DIAPH3: variants seen among roughly 807,000 people sequenced by gnomAD.
DIAPH3 encodes protein diaphanous homolog 3.
Under a neutral mutation model 144.3 loss-of-function variants are expected in DIAPH3, and 117 were observed. The ratio of observed to expected loss-of-function variants is 0.81; its 90% CI spans 0.70 to 0.95. DIAPH3 has a LOEUF of 0.95. Among genes scored for constraint, DIAPH3 ranks in the 40% least tolerant of loss-of-function variants. The pLI is 0.00. For synonymous variants in DIAPH3, 519 were observed against 488.9 expected (o/e 1.06, Z -0.81); for missense variants, 1,421 against 1,412.7 (o/e 1.01, Z -0.09).
intron 27 of DIAPH3, among the ~76,000 whole-genome samples, chr13:59,768,434 G>T (rs2037961106): frequency 6.6e-6 from 1 of 152,220 alleles, no homozygotes; most frequent in African/African-American, 2.4e-5. Context: ...TGTCTTCATT[G>T]TTTCCAAAGA....
At chr13:59,711,712 G>T (rs2034754908) in intron 27 of DIAPH3, among the ~76,000 whole-genome samples, 1 of 152,030 alleles carries the variant, frequency 6.6e-6, no homozygotes. Context: ...ATAATTTTTG[G>T]CCTATGTTCC....
chr13:59,734,606 A>T lies in DIAPH3; in HGVS notation c.3319+39583T>A, dbSNP rs540337755. On this transcript the variant is annotated intron_variant, in intron 27 of 27. Coordinates refer to ENST00000400324, the MANE Select transcript of DIAPH3 (RefSeq NM_001042517.2). ...TCGGAGCCATCAAATCAATTATAAC[A>T]GCCGCTGCTGTCTTACACCGACAAC... Among the ~76,000 whole-genome samples the T allele has an allele frequency of 1.6e-4, 25 of 152,238 alleles. No individual in the cohort carries two copies. The South Asian group carries it at 4.8e-3, about 29-fold the overall frequency.
rs375821754 is a variant in DIAPH3, at chr13:59,774,613, G to C, written c.3259+115C>G. ...AGCAAACTTATGAAACTTCTGAACA[G>C]TTGTTGCCCACGGCACTGCATTCTT... On this transcript the variant is annotated intron_variant, in intron 26 of 27. Coordinates refer to ENST00000400324, the MANE Select transcript of DIAPH3 (RefSeq NM_001042517.2). The C allele has an allele frequency of 8.1e-6, 8 of 982,214 alleles. No individual in the cohort carries two copies. In the Admixed American group the frequency reaches 1.6e-4, roughly 19 times the overall value. The allele number at this position is 982,214 out of a possible 1,614,324, so 60.8% of individuals were successfully genotyped here. A position where few individuals can be genotyped will look rare whatever the true frequency, so the allele number is the denominator to read the frequency against.
At chr13:60,146,338 A>G (rs1306193714) in intron 1 of DIAPH3, among the ~76,000 whole-genome samples, 3 of 152,234 alleles carry the variant, frequency 2.0e-5, no homozygotes, top group Non-Finnish European at 4.4e-5. Context: ...TAAGTTCTAG[A>G]GGAAAAAGAA....
At chr13:60,105,811 C>G (rs2058403261) in intron 3 of DIAPH3, among the ~76,000 whole-genome samples, 2 of 152,112 alleles carry the variant, frequency 1.3e-5, no homozygotes, top group African/African-American at 4.8e-5. Flanking sequence ...AAATAAGCTG[C>G]TGGTAGGAAT....
At chr13:59,931,870 G>A (rs1318760786) in intron 17 of DIAPH3, among the ~76,000 whole-genome samples, 1 of 152,194 alleles carries the variant, frequency 6.6e-6, no homozygotes, top group African/African-American at 2.4e-5. Flanking sequence ...CATTAGTCAT[G>A]TACAAGAGGC....
At chr13:59,913,134 C>G (rs536143165) in intron 19 of DIAPH3, among the ~76,000 whole-genome samples, 8 of 152,256 alleles carry the variant, frequency 5.3e-5, no homozygotes, top group African/African-American at 1.7e-4. Flanking sequence ...TTACTTCAGG[C>G]CTCTGAATTT....
At chr13:60,153,462 C>T (rs375477317) in intron 1 of DIAPH3, 2 of 152,054 alleles carry the variant, frequency 1.3e-5, no homozygotes, top group Admixed American at 6.6e-5. Context: ...TAATGGTGTC[C>T]GATGACAGGC....
chr13:60,041,716 T>C (rs940554122), intron 5 of DIAPH3, among the ~76,000 whole-genome samples: 2 of 152,186 alleles, frequency 1.3e-5, no homozygotes, highest in Middle Eastern at 3.2e-3. Context: ...CATATACATA[T>C]ATTCTTATGC....
chr13:59,721,845 T>C (rs531486425), intron 27 of DIAPH3, among the ~76,000 whole-genome samples: 1 of 152,252 alleles, frequency 6.6e-6, no homozygotes, highest in South Asian at 2.1e-4. Flanking sequence ...ACTGGGTTGC[T>C]TGTGTCCAGA....
intron 24 of DIAPH3, among the ~76,000 whole-genome samples, chr13:59,814,535 A>G (rs1294310376): frequency 6.6e-6 from 1 of 152,192 alleles, no homozygotes; most frequent in African/African-American, 2.4e-5. Flanking sequence ...AAATGTTAAG[A>G]AGTAAAAGTA....
chr13:60,003,216 G>C (rs951227581), intron 9 of DIAPH3, among the ~76,000 whole-genome samples: 6 of 152,194 alleles, frequency 3.9e-5, no homozygotes, highest in African/African-American at 1.4e-4. Context: ...CGTATCTTCT[G>C]TATTACTTCT....
At chr13:59,756,452 G>GGAAA (rs1566266066) in intron 27 of DIAPH3, among the ~76,000 whole-genome samples, 8 of 142,028 alleles carry the variant, frequency 5.6e-5, no homozygotes, top group Non-Finnish European at 7.8e-5. Context: ...AAAGAAGGAA[G>GGAAA]GAAGGAAGGA....
rs1444588459 is a variant in DIAPH3 at position 59,916,216 on chromosome 13, T to G, written c.2204A>C (p.Glu735Ala). Residue 735 changes from glutamate to alanine, a missense_variant, in exon 19 of 28, where the codon GAG becomes GCG. Physicochemically the swap from Glu to Ala is moderately radical, Grantham distance 107. Transcript: ENST00000400324. Reference protein sequence around the residue: ...IFLSSFRVPYEEIRMMILEVD... With the variant: ...IFLSSFRVPYAEIRMMILEVD... ...TTCCAATATCATCATTCTGATTTCC[T>G]CATATGGCACCCGAAAAGAGCTCAG... 1 of 1,613,300 alleles carries G rather than the reference T, an allele frequency of 6.2e-7. No homozygotes were observed. Among genetic ancestry groups the G allele is most frequent in the Admixed American group, 1.7e-5 (1 of 59,988 alleles).
rs543583877 is a variant in DIAPH3 at position 60,029,016 on chromosome 13, G to A, written c.627-12871C>T. 3.4e-4 allele frequency among the ~76,000 whole-genome samples: 51 copies of A among 150,942 alleles called. 1 individual carries two copies. In the East Asian group the frequency reaches 9.6e-3, roughly 28 times the overall value. On this transcript the variant is annotated intron_variant, in intron 5 of 27. Transcript: ENST00000400324. ...GGAGGTTGCAGTGAGCTGAGATCGT[G>A]CCACTGCACTCCAGTCTGGTGACAG...
chr13:60,040,949 G>A (rs2055619170), intron 5 of DIAPH3, among the ~76,000 whole-genome samples: 1 of 152,118 alleles, frequency 6.6e-6, no homozygotes, highest in African/African-American at 2.4e-5. Context: ...GAATAGCTGG[G>A]ATTACAGGCG....
chr13:60,024,959 G>A (rs1179067541), intron 5 of DIAPH3, among the ~76,000 whole-genome samples: 4 of 152,098 alleles, frequency 2.6e-5, no homozygotes, highest in Admixed American at 2.6e-4. Flanking sequence ...TTATCACTGG[G>A]TGGTTGTGAA....
chr13:59,799,597 C>T (rs967157460), intron 25 of DIAPH3, among the ~76,000 whole-genome samples: 1 of 152,158 alleles, frequency 6.6e-6, no homozygotes, highest in Non-Finnish European at 1.5e-5. Flanking sequence ...TGACATATGT[C>T]ATATCTTGTC....
At chr13:59,914,877 T>A (rs1453021701) in intron 19 of DIAPH3, among the ~76,000 whole-genome samples, 1 of 152,194 alleles carries the variant, frequency 6.6e-6, no homozygotes, top group African/African-American at 2.4e-5. Flanking sequence ...ATAATAAATT[T>A]GTATTATTTT....
Sources: allele counts gnomAD v4.1 joint callset (sites outside exome capture counted in the v4.1 genomes callset), GRCh38; gene constraint gnomAD v4.1.1; transcripts MANE v1.5; gene names NCBI Gene and HGNC (gene_info 2026-07-23, HGNC 2026-07-21).